POU6F2: variants seen among roughly 807,000 people sequenced by gnomAD.
POU6F2 encodes POU domain, class 6, transcription factor 2.
POU6F2 carries 31 observed loss-of-function variants against 71.3 expected under a neutral mutation model. That is an observed-to-expected ratio of 0.43 (90% CI 0.33 to 0.59). POU6F2 has a LOEUF of 0.59. Among genes scored for constraint, POU6F2 ranks in the 20% least tolerant of loss-of-function variants. POU6F2 has a pLI of 0.04. For missense variants in POU6F2, 783 were observed against 856.8 expected (o/e 0.91, Z 1.07); for synonymous variants, 347 against 355.7 (o/e 0.98, Z 0.27).
At chr7:39,317,630 C>T (rs968649572) in intron 4 of POU6F2, among the ~76,000 whole-genome samples, 6 of 152,168 alleles carry the variant, frequency 3.9e-5, no homozygotes, top group Non-Finnish European at 7.3e-5. Context: ...TTATATTCCT[C>T]ATTGAATCAT....
intron 2 of POU6F2, chr7:39,132,783 CAT>C (rs1299626673): frequency 6.6e-6 from 1 of 152,244 alleles, no homozygotes; most frequent in Non-Finnish European, 1.5e-5. Flanking sequence ...GGGAAAGGAA[CAT>C]GAGAATTATT....
chr7:39,086,225 C>A (rs1791242797), intron 2 of POU6F2, among the ~76,000 whole-genome samples, 194 bp downstream of exon 2: 1 of 151,932 alleles, frequency 6.6e-6, no homozygotes, highest in Non-Finnish European at 1.5e-5. Context: ...CTTTTACCAA[C>A]AAGGAACTTA....
At chr7:39,187,375 T>C (rs1347961455) in intron 2 of POU6F2, among the ~76,000 whole-genome samples, 1 of 152,190 alleles carries the variant, frequency 6.6e-6, no homozygotes. Flanking sequence ...CCCTGACTGC[T>C]CAATCTCCTG....
intron 4 of POU6F2, among the ~76,000 whole-genome samples, chr7:39,253,233 T>C (rs1465480023): frequency 1.3e-5 from 2 of 152,154 alleles, no homozygotes; most frequent in Admixed American, 1.3e-4. Context: ...GGGTGGAGAA[T>C]TTCCAAAAAG....
intron 4 of POU6F2, among the ~76,000 whole-genome samples, chr7:39,239,153 CAG>C (rs1283753297): frequency 1.3e-5 from 2 of 152,162 alleles, no homozygotes; most frequent in South Asian, 4.1e-4. Flanking sequence ...ATATGAAAGA[CAG>C]AGAGACAGAG....
At chr7:39,063,373 C>CA (rs1368319324) in intron 1 of POU6F2, among the ~76,000 whole-genome samples, 4 of 151,596 alleles carry the variant, frequency 2.6e-5, no homozygotes, top group South Asian at 2.1e-4. Context: ...GAGTGAGATG[C>CA]AAAAAAAGGA....
intron 1 of POU6F2, among the ~76,000 whole-genome samples, chr7:38,994,147 T>G (rs1788678231): frequency 6.6e-6 from 1 of 152,188 alleles, no homozygotes. Flanking sequence ...AACTCCAAGC[T>G]GCAAGAGTGC....
chr7:39,114,312 A>G (rs994091686), intron 2 of POU6F2, among the ~76,000 whole-genome samples: 17 of 152,170 alleles, frequency 1.1e-4, no homozygotes, highest in Non-Finnish European at 2.2e-4. Flanking sequence ...ATAAGAGGGA[A>G]GCTCATTCAT....
intron 4 of POU6F2, among the ~76,000 whole-genome samples, chr7:39,290,115 A>G (rs1784723872): frequency 6.6e-6 from 1 of 152,262 alleles, no homozygotes; most frequent in Non-Finnish European, 1.5e-5. Context: ...TGTTTATGTC[A>G]GCACCTTTCT....
chr7:39,002,708 T>C (rs987717453), intron 1 of POU6F2, among the ~76,000 whole-genome samples: 5 of 152,250 alleles, frequency 3.3e-5, no homozygotes, highest in Non-Finnish European at 7.3e-5. Context: ...GATTACTGAC[T>C]TACTGCTTTG....
At chr7:39,048,800 G>A (rs955067438) in intron 1 of POU6F2, among the ~76,000 whole-genome samples, 1 of 151,982 alleles carries the variant, frequency 6.6e-6, no homozygotes, top group African/African-American at 2.4e-5. Context: ...CCCACCAGCA[G>A]TGTATGAGCC....
intron 5 of POU6F2, among the ~76,000 whole-genome samples, chr7:39,371,466 A>G (rs998757095): frequency 1.3e-5 from 2 of 152,214 alleles, no homozygotes; most frequent in Non-Finnish European, 2.9e-5. Flanking sequence ...GGTGTGAGCC[A>G]CCACGCCCGG....
chr7:39,186,212 C>T lies in POU6F2; in HGVS notation c.278-18023C>T, dbSNP rs73365591. The stretch of plus-strand genomic sequence containing the variant: ...ACTAGAGCTCATAGTCAGTAGTGAA[C>T]TTGGAACTCAGACCAGGGTCTTAGA... On this transcript the variant is annotated intron_variant, in intron 2 of 9. Coordinates refer to ENST00000518318, the MANE Select transcript of POU6F2 (RefSeq NM_001370959.1). Among the ~76,000 whole-genome samples the T allele has an allele frequency of 8.9e-3, 1,351 of 152,268 alleles. 15 individuals carry two copies. Among genetic ancestry groups the T allele is most frequent in the African/African-American group, 0.031 (1,301 of 41,550 alleles).
chr7:39,014,029 T>A (rs1039395713), intron 1 of POU6F2, among the ~76,000 whole-genome samples: 4 of 152,218 alleles, frequency 2.6e-5, no homozygotes, highest in Admixed American at 2.0e-4. Context: ...AACCATAGGC[T>A]TATAATAAGC....
intron 1 of POU6F2, among the ~76,000 whole-genome samples, chr7:39,077,934 A>AG (rs1347762796): frequency 6.6e-6 from 1 of 152,214 alleles, no homozygotes; most frequent in East Asian, 1.9e-4. Flanking sequence ...TCATCTGACT[A>AG]GGGGTCATCA....
rs1379272034 is a variant in POU6F2, at chr7:39,409,271, C to T, written c.1113+2531C>T. 3.3e-5 allele frequency among the ~76,000 whole-genome samples: 5 copies of T among 152,206 alleles called. No homozygotes were observed. In the South Asian group the frequency reaches 6.2e-4, roughly 19 times the overall value. On this transcript the variant is annotated intron_variant, in intron 6 of 9. Coordinates refer to ENST00000518318, the MANE Select transcript of POU6F2 (RefSeq NM_001370959.1). ...TTGGAAGTTCACCCAAGAGTAATCA[C>T]GTTAAAACCTAAACCTAAGTGTGGA...
At chr7:39,162,531 G>T (rs929874312) in intron 2 of POU6F2, among the ~76,000 whole-genome samples, 1 of 152,082 alleles carries the variant, frequency 6.6e-6, no homozygotes, top group African/African-American at 2.4e-5. Flanking sequence ...CTTTTTCCAC[G>T]ATCAGATAGT....
intron 4 of POU6F2, among the ~76,000 whole-genome samples, chr7:39,262,902 T>C (rs769679101): frequency 1.3e-5 from 2 of 152,072 alleles, no homozygotes; most frequent in Admixed American, 6.5e-5. Context: ...ACAACAAGAG[T>C]GCTATTGCTC....
At chr7:39,063,907 G>A (rs1790706108) in intron 1 of POU6F2, among the ~76,000 whole-genome samples, 1 of 152,050 alleles carries the variant, frequency 6.6e-6, no homozygotes, top group Non-Finnish European at 1.5e-5. Flanking sequence ...AACAAATTTA[G>A]TTAGTGAAGA....
Sources: gnomAD v4.1 joint callset for allele counts (sites outside exome capture counted in the v4.1 genomes callset) on GRCh38, gnomAD v4.1.1 for gene constraint, MANE v1.5 for transcripts, NCBI Gene and HGNC (gene_info 2026-07-23, HGNC 2026-07-21) for gene names.